C19orf12: variants seen among roughly 807,000 people sequenced by gnomAD.
C19orf12 encodes protein C19orf12.
A neutral mutation model predicts 3.8 loss-of-function variants in C19orf12; 2 were observed. The ratio of observed to expected loss-of-function variants is 0.53; its 90% CI spans 0.22 to 1.66. The LOEUF (loss-of-function observed/expected upper bound fraction) is 1.66, where lower values mean the gene tolerates loss of function less well. Ranked by LOEUF, C19orf12 falls within the 40% of genes most tolerant of loss-of-function variation. C19orf12 has a pLI of 0.20. For synonymous variants in C19orf12, 89 were observed against 84.6 expected, an observed-to-expected ratio of 1.05 and a Z score of -0.28; for missense variants, 156 against 188.8, an observed-to-expected ratio of 0.83 and a Z score of 1.02.
chr19:29,712,341 G>A (rs534628461), intron 1 of C19orf12, among the ~76,000 whole-genome samples: 93 of 152,178 alleles, frequency 6.1e-4, no homozygotes, highest in African/African-American at 2.1e-3. Flanking sequence ...GGGAGGTGGA[G>A]GTTGCAGTGA....
Position 29,700,703 on chromosome 19 carries a change from C to T in C19orf12, c.*2009G>A, listed in dbSNP as rs1339762572. 5 of 453,970 alleles carry T rather than the reference C, an allele frequency of 1.1e-5. No homozygotes were observed. Among genetic ancestry groups the T allele is most frequent in the East Asian group, 6.9e-5 (1 of 14,402 alleles). The allele number at this position is 453,970 out of a possible 1,614,324, so 28.1% of individuals were successfully genotyped here. A position where few individuals can be genotyped will look rare whatever the true frequency, so the allele number is the denominator to read the frequency against. On this transcript the variant is annotated 3_prime_UTR_variant, in exon 3 of 3. Coordinates refer to ENST00000323670, the MANE Select transcript of C19orf12 (RefSeq NM_031448.6). Reference sequence around the variant, plus strand: ...GCTAGGGCACCTGATTTGTGCTAGACGAGGCCAGCAGAAGAGCAATCGCTC... The same window carrying T: ...GCTAGGGCACCTGATTTGTGCTAGATGAGGCCAGCAGAAGAGCAATCGCTC...
intron 2 of C19orf12, among the ~76,000 whole-genome samples, chr19:29,704,020 G>C (rs767692210): frequency 2.0e-5 from 3 of 151,936 alleles, no homozygotes; most frequent in Non-Finnish European, 2.9e-5. Context: ...TGGTGAGACT[G>C]AATTTCCTCC....
At position 29,702,555 on chromosome 19, in the gene C19orf12, C is replaced by G. The variant is rs1972148477; in HGVS notation, c.*157G>C. The G allele has an allele frequency of 1.0e-6, 1 of 996,566 alleles. No homozygotes were observed. The highest frequency in any genetic ancestry group is 1.6e-6 in the Non-Finnish European group (1 of 635,176). 61.7% of individuals were successfully genotyped at this position (996,566 alleles called of 1,614,324 possible). Reference sequence around the variant, plus strand: ...CAGTAATTTCTGGAACATGACACTGCACAGCGGTGGCCTCTCCAGCGGGAC... The same window carrying G: ...CAGTAATTTCTGGAACATGACACTGGACAGCGGTGGCCTCTCCAGCGGGAC... On this transcript the variant is annotated 3_prime_UTR_variant, in exon 3 of 3. Transcript: ENST00000323670.
At position 29,702,893 on chromosome 19, in the gene C19orf12, G is replaced by A; in HGVS notation, c.245C>T (p.Pro82Leu). 2 of 1,614,218 alleles carry A rather than the reference G, an allele frequency of 1.2e-6. No individual in the cohort carries two copies. Among genetic ancestry groups the A allele is most frequent in the East Asian group, 2.2e-5 (1 of 44,878 alleles). ...GTTAAAGAGCCTCTGTTGCTCGGCAGGGGGCAGCTCCATTAGGATCTGAGG... is the reference window on the plus strand; with the variant it reads ...GTTAAAGAGCCTCTGTTGCTCGGCAAGGGGCAGCTCCATTAGGATCTGAGG... ...PVPQILMELP[P>L]AEQQRLFNEA... Residue 82 changes from proline (P) to leucine (L), a missense_variant, in exon 3 of 3, where the codon CCT becomes CTT. Physicochemically the swap from Pro to Leu is moderately conservative, Grantham distance 98 (BLOSUM62 -3). Transcript: ENST00000323670.
rs79915936 is a variant in C19orf12 at position 29,702,746 on chromosome 19, T to G, written c.392A>C (p.Lys131Thr). 4.9e-3 allele frequency: 7,875 copies of G among 1,613,924 alleles called. 308 individuals carry two copies. In the East Asian group the frequency reaches 0.099, roughly 20 times the overall value. ...ATACTGGATCTCGGCCCGCAGCTCC[T>G]TGGTGACGTAGTTCACCAGCATGGC... Reference protein sequence around the residue: ...LLAMLVNYVTKELRAEIQYDD With the variant: ...LLAMLVNYVTTELRAEIQYDD Residue 131 changes from lysine (K) to threonine (T), a missense_variant, in exon 3 of 3, where the codon AAG (lysine) becomes ACG (threonine). By Grantham distance (78) the Lys-to-Thr change is moderately conservative (BLOSUM62 -1). Transcript: ENST00000323670.
intron 1 of C19orf12, among the ~76,000 whole-genome samples, chr19:29,712,260 G>C (rs1972718909): frequency 6.6e-6 from 1 of 152,070 alleles, no homozygotes; most frequent in Non-Finnish European, 1.5e-5. Context: ...ACAAAAATTA[G>C]CCAGGTGTCA....
chr19:29,711,769 T>TC (rs902597802), intron 1 of C19orf12, among the ~76,000 whole-genome samples: 66 of 150,582 alleles, frequency 4.4e-4, no homozygotes, highest in Middle Eastern at 3.4e-3. Context: ...TCTACTGGCT[T>TC]CCCCCCCCAA....
chr19:29,710,685 G>C (rs1366620123), intron 1 of C19orf12, among the ~76,000 whole-genome samples: 1 of 152,174 alleles, frequency 6.6e-6, no homozygotes, highest in Non-Finnish European at 1.5e-5. Context: ...GACTGGAGGA[G>C]CACTCAGGCC....
rs1197903440 is a variant in C19orf12, at chr19:29,699,529, T to C, written c.*3183A>G. ...AGAAAAAAATATATGTGTACCTACA[T>C]AGCATTAAAACAATTGCAGGAAAGA... is the stretch of plus-strand genomic sequence containing the variant. On this transcript the variant is annotated 3_prime_UTR_variant, in exon 3 of 3. Coordinates refer to ENST00000323670, the MANE Select transcript of C19orf12 (RefSeq NM_031448.6). 6 of 452,538 alleles carry C rather than the reference T, an allele frequency of 1.3e-5. No individual in the cohort carries two copies. The highest frequency in any genetic ancestry group is 2.4e-5 in the Admixed American group (1 of 42,306). 28.0% of individuals were successfully genotyped at this position (452,538 alleles called of 1,614,324 possible). A position where few individuals can be genotyped will look rare whatever the true frequency, so the allele number is the denominator to read the frequency against.
intron 1 of C19orf12, among the ~76,000 whole-genome samples, chr19:29,710,226 T>C (rs1490930665): frequency 6.6e-6 from 1 of 152,118 alleles, no homozygotes; most frequent in Non-Finnish European, 1.5e-5. Context: ...ACTGTAAAAT[T>C]GCTCTCCCAA....
chr19:29,706,638 C>T (rs1599542619), intron 2 of C19orf12, among the ~76,000 whole-genome samples: 1 of 152,224 alleles, frequency 6.6e-6, no homozygotes, highest in African/African-American at 2.4e-5. Flanking sequence ...TTGTCTCCCC[C>T]ATCTCCGGTT....
chr19:29,711,775 C>A lies in C19orf12; in HGVS notation c.-11+3350G>T, dbSNP rs192869665. On this transcript the variant is annotated intron_variant, in intron 1 of 2. Coordinates refer to ENST00000323670, the MANE Select transcript of C19orf12 (RefSeq NM_031448.6). ...CACTTTAGCTCTACTGGCTTCCCCCCCCAAAAAAAACCTAGCTTCCGACCT... is the reference window on the plus strand; with the variant it reads ...CACTTTAGCTCTACTGGCTTCCCCCACCAAAAAAAACCTAGCTTCCGACCT... Among the ~76,000 whole-genome samples, 17 of 152,192 alleles carry A rather than the reference C, an allele frequency of 1.1e-4. No homozygotes were observed. The South Asian group carries it at 1.2e-3, about 11-fold the overall frequency.
chr19:29,703,804 G>A (rs999051688), intron 2 of C19orf12, among the ~76,000 whole-genome samples: 1 of 151,782 alleles, frequency 6.6e-6, no homozygotes, highest in Non-Finnish European at 1.5e-5. Flanking sequence ...CAGCCTGGCC[G>A]ACATGGTGAA....
rs111349143 is a variant in C19orf12, at chr19:29,707,284, A to G, written c.160+970T>C. Among the ~76,000 whole-genome samples, 1,470 of 152,174 alleles carry G rather than the reference A, an allele frequency of 9.7e-3. 24 individuals carry two copies. The highest frequency in any genetic ancestry group is 0.034 in the African/African-American group (1,406 of 41,510). ...AGGCAGGAGAATCACTTGAACCCAC[A>G]AGGCAGTGGTTGCGGTGAGCCGAGA... On this transcript the variant is annotated intron_variant, in intron 2 of 2. Coordinates refer to ENST00000323670, the MANE Select transcript of C19orf12 (RefSeq NM_031448.6).
At chr19:29,705,377 G>A (rs1332711583) in intron 2 of C19orf12, 7 of 412,378 alleles carry the variant, frequency 1.7e-5, no homozygotes, top group Admixed American at 2.7e-5. Context: ...AATGCAATGC[G>A]GTGTCTTAGA....
intron 2 of C19orf12, chr19:29,705,309 A>G (rs1198795246): frequency 4.5e-6 from 2 of 449,230 alleles, no homozygotes; most frequent in Non-Finnish European, 8.9e-6. Flanking sequence ...AAGGCTGTGA[A>G]CAAGGCAAGT....
rs1167143344 is a variant in C19orf12, at chr19:29,701,368, T to G, written c.*1344A>C. 2 of 454,012 alleles carry G rather than the reference T, an allele frequency of 4.4e-6. No homozygotes were observed. Among genetic ancestry groups the G allele is most frequent in the African/African-American group, 2.0e-5 (1 of 50,000 alleles). 28.1% of individuals were successfully genotyped at this position (454,012 alleles called of 1,614,324 possible). A position where few individuals can be genotyped will look rare whatever the true frequency, so the allele number is the denominator to read the frequency against. On this transcript the variant is annotated 3_prime_UTR_variant, in exon 3 of 3. Coordinates refer to ENST00000323670, the MANE Select transcript of C19orf12 (RefSeq NM_031448.6). Reference sequence around the variant, plus strand: ...GTTTGCACGTAACCTACGCACACCTTCCTGTATAATTTAAATCATCTCTAG... The same window carrying G: ...GTTTGCACGTAACCTACGCACACCTGCCTGTATAATTTAAATCATCTCTAG...
rs780155901 is a variant in C19orf12 at position 29,699,166 on chromosome 19, G to A, written c.*3546C>T. 2.2e-5 allele frequency: 10 copies of A among 453,768 alleles called. No individual in the cohort carries two copies. Among genetic ancestry groups the A allele is most frequent in the South Asian group, 1.1e-4 (7 of 64,468 alleles). The allele number at this position is 453,768 out of a possible 1,614,324, so 28.1% of individuals were successfully genotyped here. On this transcript the variant is annotated 3_prime_UTR_variant, in exon 3 of 3. Transcript: ENST00000323670. ...GCATATAGGATAAGAAGGCAAGTAC[G>A]TTAGAAATATACATACATAGGCCGG... is the stretch of plus-strand genomic sequence containing the variant.
intron 2 of C19orf12, among the ~76,000 whole-genome samples, chr19:29,704,146 C>T (rs1972257523): frequency 6.6e-6 from 1 of 152,180 alleles, no homozygotes; most frequent in Admixed American, 6.5e-5. Context: ...CAGTGCTTTT[C>T]ATAGATCCCC....
Sources: gnomAD v4.1 joint callset for allele counts (sites outside exome capture counted in the v4.1 genomes callset) on GRCh38, gnomAD v4.1.1 for gene constraint, MANE v1.5 for transcripts, NCBI Gene and HGNC (gene_info 2026-07-23, HGNC 2026-07-21) for gene names.